ATP8A2: variants seen among roughly 807,000 people sequenced by gnomAD.
ATP8A2 encodes ATPase phospholipid transporting 8A2, also known as phospholipid-transporting ATPase IB.
Under a neutral mutation model 165.6 loss-of-function variants are expected in ATP8A2, and 100 were observed. The observed-to-expected ratio is 0.60, with a 90% CI of 0.51 to 0.71. ATP8A2 has a LOEUF of 0.71. Ranked by LOEUF, ATP8A2 falls within the 30% of genes least tolerant of loss-of-function variation. ATP8A2 has a pLI of 0.00. For missense variants in ATP8A2, 1,227 were observed against 1,479.5 expected, an observed-to-expected ratio of 0.83 and a Z score of 2.80; for synonymous variants, 543 against 548.8, an observed-to-expected ratio of 0.99 and a Z score of 0.15.
At chr13:25,431,141 A>T (rs2034599246) in intron 1 of ATP8A2, among the ~76,000 whole-genome samples, 1 of 35,484 alleles carries the variant, frequency 2.8e-5, no homozygotes, top group Admixed American at 4.3e-4. Flanking sequence ...CTCTAAACAG[A>T]TTTTATTTTA....
chr13:25,518,603 C>T (rs939299042), intron 2 of ATP8A2, among the ~76,000 whole-genome samples: 6 of 152,106 alleles, frequency 3.9e-5, no homozygotes, highest in African/African-American at 1.2e-4. Flanking sequence ...CTGAACTTTG[C>T]GTCTTTTAAA....
chr13:25,509,228 A>G lies in ATP8A2; in HGVS notation c.222-20771A>G, dbSNP rs1052826452. Among the ~76,000 whole-genome samples the G allele has an allele frequency of 2.6e-5, 4 of 152,202 alleles. No homozygotes were observed. In the East Asian group the frequency reaches 7.7e-4, roughly 29 times the overall value. The stretch of plus-strand genomic sequence containing the variant: ...TGAAATGTGTGGAGCCAGAAGCTAG[A>G]TTTTAAGTTTCACTTACAAAGGAAA... On this transcript the variant is annotated intron_variant, in intron 2 of 36. Coordinates refer to ENST00000381655, the MANE Select transcript of ATP8A2 (RefSeq NM_016529.6).
At chr13:25,959,266 A>G (rs1042579671) in intron 33 of ATP8A2, among the ~76,000 whole-genome samples, 1 of 152,218 alleles carries the variant, frequency 6.6e-6, no homozygotes, top group African/African-American at 2.4e-5. Flanking sequence ...GAAACAGGAA[A>G]TGGAGATACA....
chr13:25,694,899 T>C (rs2042803031), intron 24 of ATP8A2, among the ~76,000 whole-genome samples: 1 of 152,156 alleles, frequency 6.6e-6, no homozygotes, highest in African/African-American at 2.4e-5. Flanking sequence ...TTTAGGCTGG[T>C]CTTGAACTCC....
At chr13:25,646,286 A>G (rs1394904566) in intron 24 of ATP8A2, among the ~76,000 whole-genome samples, 3 of 151,916 alleles carry the variant, frequency 2.0e-5, no homozygotes, top group African/African-American at 7.3e-5. Context: ...CTATCTCTTC[A>G]CTTTCAGTCT....
intron 27 of ATP8A2, among the ~76,000 whole-genome samples, chr13:25,817,644 T>G (rs1024058951): frequency 2.6e-5 from 4 of 152,156 alleles, no homozygotes; most frequent in African/African-American, 9.6e-5. Context: ...TTTTATACTC[T>G]CAAGATTAAA....
chr13:25,926,347 C>T (rs1158599210), intron 33 of ATP8A2, among the ~76,000 whole-genome samples: 1 of 152,190 alleles, frequency 6.6e-6, no homozygotes, highest in East Asian at 1.9e-4. Context: ...AACTCCTACA[C>T]ATCTTTCAGG....
At chr13:25,571,765 A>G (rs778702867) in intron 18 of ATP8A2, 73 bp downstream of exon 18, 71 of 1,244,644 alleles carry the variant, frequency 5.7e-5, no homozygotes, top group African/African-American at 1.9e-4. Context: ...TGGCATGTCT[A>G]TTGTAAATAT....
At chr13:25,924,097 A>G (rs1354246468) in intron 33 of ATP8A2, among the ~76,000 whole-genome samples, 1 of 152,242 alleles carries the variant, frequency 6.6e-6, no homozygotes, top group Non-Finnish European at 1.5e-5. Flanking sequence ...ATGATGTCCT[A>G]CAGCACAGTC....
chr13:25,528,813 T>C lies in ATP8A2; in HGVS notation c.222-1186T>C, dbSNP rs1401484998. On this transcript the variant is annotated intron_variant, in intron 2 of 36. Transcript: ENST00000381655. The stretch of plus-strand genomic sequence containing the variant: ...CATGTGTATGCACACATATGCAACA[T>C]GTGTATGCACACATATGCAACATGT... 4.4e-5 allele frequency among the ~76,000 whole-genome samples: 3 copies of C among 68,512 alleles called. No individual in the cohort carries two copies. In the East Asian group the frequency reaches 5.9e-4, roughly 13 times the overall value. The allele number at this position is 68,512 out of a possible 152,430, so 44.9% of individuals were successfully genotyped here.
intron 24 of ATP8A2, among the ~76,000 whole-genome samples, chr13:25,616,966 A>G: frequency 6.6e-6 from 1 of 152,144 alleles, no homozygotes; most frequent in Admixed American, 6.5e-5. Flanking sequence ...TAATTTAAGT[A>G]ATAACATAAA....
At chr13:25,580,038 A>T (rs994883964) in intron 22 of ATP8A2, 91 bp downstream of exon 22, 5 of 1,415,242 alleles carry the variant, frequency 3.5e-6, no homozygotes, top group Non-Finnish European at 3.9e-6. Context: ...TTTACTATGT[A>T]GGGATGTTCT....
At chr13:25,515,344 A>G (rs2037431915) in intron 2 of ATP8A2, among the ~76,000 whole-genome samples, 1 of 152,212 alleles carries the variant, frequency 6.6e-6, no homozygotes, top group Non-Finnish European at 1.5e-5. Flanking sequence ...TGTTTCTTTG[A>G]CACAATGACA....
At chr13:25,860,892 A>T (rs1566212053) in intron 32 of ATP8A2, 32 bp downstream of exon 32, 6 of 1,450,646 alleles carry the variant, frequency 4.1e-6, no homozygotes, top group Non-Finnish European at 3.8e-6. Flanking sequence ...TTCTCTGTTC[A>T]GTATAGATAT....
intron 35 of ATP8A2, among the ~76,000 whole-genome samples, chr13:25,984,340 A>G (rs558580253): frequency 7.9e-5 from 12 of 152,268 alleles, no homozygotes; most frequent in African/African-American, 2.6e-4. Context: ...CCAGTGGCTC[A>G]TGCCTGTAAT....
At chr13:25,889,290 T>A (rs913493898) in intron 33 of ATP8A2, among the ~76,000 whole-genome samples, 1 of 120,684 alleles carries the variant, frequency 8.3e-6, no homozygotes, top group African/African-American at 3.5e-5. Flanking sequence ...TAAATGATTT[T>A]AAAAAATAAT....
intron 27 of ATP8A2, among the ~76,000 whole-genome samples, chr13:25,791,528 AACACACACACACATACAC>A (rs980991019): frequency 2.9e-5 from 3 of 102,046 alleles, no homozygotes; most frequent in African/African-American, 1.2e-4. Flanking sequence ...CCCGAACTTA[AACACACACACACATACAC>A]ACACACACAC....
intron 24 of ATP8A2, among the ~76,000 whole-genome samples, chr13:25,646,618 G>C (rs2041678408): frequency 7.9e-6 from 1 of 125,978 alleles, no homozygotes; most frequent in African/African-American, 3.0e-5. Flanking sequence ...TCGTGCCTCT[G>C]TACTCCAGCC....
At chr13:25,431,898 C>T (rs1282151080) in intron 1 of ATP8A2, among the ~76,000 whole-genome samples, 1 of 152,140 alleles carries the variant, frequency 6.6e-6, no homozygotes, top group Admixed American at 6.5e-5. Context: ...TCCCCTTCTC[C>T]CTGTCTCCCA....
Sources: gnomAD v4.1 joint callset for allele counts (sites outside exome capture counted in the v4.1 genomes callset) on GRCh38, gnomAD v4.1.1 for gene constraint, MANE v1.5 for transcripts, NCBI Gene and HGNC (gene_info 2026-07-23, HGNC 2026-07-21) for gene names.